ADAMTS12: variants seen among roughly 807,000 people sequenced by gnomAD.
ADAMTS12 encodes the protein ADAM metallopeptidase with thrombospondin type 1 motif 12.
Under a neutral mutation model 167.8 loss-of-function variants are expected in ADAMTS12, and 118 were observed. The ratio of observed to expected loss-of-function variants is 0.70; its 90% confidence interval spans 0.61 to 0.82. ADAMTS12 has a LOEUF of 0.82. Ranked by LOEUF, ADAMTS12 falls within the 40% of genes least tolerant of loss-of-function variation. ADAMTS12 has a pLI of 0.00. For missense variants in ADAMTS12, 1,916 were observed against 1,998.8 expected, an observed-to-expected ratio of 0.96 and a Z score of 0.79; for synonymous variants, 704 against 716.9, an observed-to-expected ratio of 0.98 and a Z score of 0.29.
chr5:33,690,835 C>A, intron 3 of ADAMTS12, among the ~76,000 whole-genome samples: 1 of 152,160 alleles, frequency 6.6e-6, no homozygotes, highest in African/African-American at 2.4e-5. Context: ...ACCCCACACA[C>A]TTTTTTCCGT....
chr5:33,847,228 G>T (rs539316334), intron 2 of ADAMTS12, among the ~76,000 whole-genome samples: 4 of 151,834 alleles, frequency 2.6e-5, no homozygotes, highest in South Asian at 4.2e-4. Context: ...GGATCTTCAC[G>T]TATCCACAAG....
intron 3 of ADAMTS12, among the ~76,000 whole-genome samples, chr5:33,750,017 G>A (rs1206644338): frequency 1.3e-5 from 2 of 152,056 alleles, no homozygotes; most frequent in Non-Finnish European, 2.9e-5. Flanking sequence ...TGATTTAAAA[G>A]GTATAAAATC....
At chr5:33,530,561 C>T (rs1353686714) in intron 23 of ADAMTS12, among the ~76,000 whole-genome samples, 1 of 152,176 alleles carries the variant, frequency 6.6e-6, no homozygotes, top group Non-Finnish European at 1.5e-5. Flanking sequence ...CCCACAATCT[C>T]GTCGCTGTGT....
chr5:33,809,922 G>A (rs925160164), intron 2 of ADAMTS12, among the ~76,000 whole-genome samples: 3 of 150,700 alleles, frequency 2.0e-5, no homozygotes, highest in African/African-American at 7.3e-5. Context: ...GAATCATACA[G>A]GGGCTTAGCA....
At chr5:33,681,024 C>T (rs1427999407) in intron 5 of ADAMTS12, among the ~76,000 whole-genome samples, 1 of 152,170 alleles carries the variant, frequency 6.6e-6, no homozygotes, top group Non-Finnish European at 1.5e-5. Context: ...CAATGGTAAA[C>T]AAGCAGTTAC....
chr5:33,684,321 C>G (rs6881709), intron 3 of ADAMTS12, among the ~76,000 whole-genome samples: 1 of 152,194 alleles, frequency 6.6e-6, no homozygotes, highest in East Asian at 1.9e-4. Flanking sequence ...AAAAGACGTA[C>G]CCAACAATGG....
chr5:33,770,368 T>G (rs1745692287), intron 2 of ADAMTS12, among the ~76,000 whole-genome samples: 1 of 152,086 alleles, frequency 6.6e-6, no homozygotes, highest in Non-Finnish European at 1.5e-5. Context: ...ATTTATTAAT[T>G]TGTAACTTGC....
chr5:33,574,590 A>T (rs1192292402), intron 19 of ADAMTS12, among the ~76,000 whole-genome samples: 5 of 106,480 alleles, frequency 4.7e-5, no homozygotes, highest in Non-Finnish European at 1.8e-5. Flanking sequence ...CACTCTGGGG[A>T]CTGTTGTGGG....
At chr5:33,665,577 C>T (rs1045777386) in intron 5 of ADAMTS12, among the ~76,000 whole-genome samples, 3 of 152,118 alleles carry the variant, frequency 2.0e-5, no homozygotes, top group East Asian at 3.9e-4. Flanking sequence ...GGGACCTAAA[C>T]CAAAGCCAAA....
At chr5:33,584,811 GAAAT>G (rs1747255645) in intron 18 of ADAMTS12, among the ~76,000 whole-genome samples, 1 of 152,160 alleles carries the variant, frequency 6.6e-6, no homozygotes, top group African/African-American at 2.4e-5. Context: ...ATTACTAGGA[GAAAT>G]AACATGTTGG....
chr5:33,658,362 C>A (rs370347360), intron 6 of ADAMTS12, 29 bp from the exon 7 acceptor site: 1 of 1,604,754 alleles, frequency 6.2e-7, no homozygotes, highest in Non-Finnish European at 8.5e-7. Context: ...GAAGCTAAGG[C>A]GCCCAAAGGA....
chr5:33,604,759 G>C (rs907838207), intron 16 of ADAMTS12, among the ~76,000 whole-genome samples: 2 of 152,044 alleles, frequency 1.3e-5, no homozygotes, highest in Admixed American at 6.5e-5. Flanking sequence ...GTGTGGTCAA[G>C]TAAAACTGCA....
At chr5:33,823,282 C>T (rs1747932033) in intron 2 of ADAMTS12, among the ~76,000 whole-genome samples, 1 of 152,170 alleles carries the variant, frequency 6.6e-6, no homozygotes, top group African/African-American at 2.4e-5. Flanking sequence ...GTGAAGCACA[C>T]TGGCTGTTAT....
intron 13 of ADAMTS12, among the ~76,000 whole-genome samples, chr5:33,629,637 G>T (rs554664086): frequency 1.1e-4 from 16 of 152,278 alleles, no homozygotes; most frequent in African/African-American, 3.4e-4. Context: ...CTTACACAAA[G>T]AATACTTTTG....
At chr5:33,890,704 G>T (rs1750811830) in intron 1 of ADAMTS12, among the ~76,000 whole-genome samples, 2 of 152,022 alleles carry the variant, frequency 1.3e-5, no homozygotes, top group South Asian at 4.2e-4. Context: ...CATGCGTGTG[G>T]GTGCATATGC....
At chr5:33,572,404 TC>T (rs1408057570) in intron 19 of ADAMTS12, among the ~76,000 whole-genome samples, 2 of 151,816 alleles carry the variant, frequency 1.3e-5, no homozygotes, top group African/African-American at 4.8e-5. Flanking sequence ...TCCACCATGA[TC>T]AAGTGGGCTT....
intron 2 of ADAMTS12, among the ~76,000 whole-genome samples, chr5:33,792,804 A>G (rs1211930757): frequency 6.6e-6 from 1 of 152,216 alleles, no homozygotes; most frequent in African/African-American, 2.4e-5. Context: ...GCAGAGTGTG[A>G]GCCGAACTCC....
chr5:33,852,694 TA>T (rs1156493044), intron 2 of ADAMTS12, among the ~76,000 whole-genome samples: 1 of 152,134 alleles, frequency 6.6e-6, no homozygotes, highest in Non-Finnish European at 1.5e-5. Context: ...TTCACTCTAT[TA>T]AAGTAAATGT....
chr5:33,763,789 T>C (rs1745436650), intron 2 of ADAMTS12, among the ~76,000 whole-genome samples: 1 of 152,242 alleles, frequency 6.6e-6, no homozygotes, highest in South Asian at 2.1e-4. Flanking sequence ...TGCCACTCTA[T>C]TTCATTTATT....
Sources: gnomAD v4.1 joint callset for allele counts (sites outside exome capture counted in the v4.1 genomes callset) on GRCh38, gnomAD v4.1.1 for gene constraint, MANE v1.5 for transcripts, NCBI Gene and HGNC (gene_info 2026-07-23, HGNC 2026-07-21) for gene names.